The following APBA2 variants were observed in gnomAD, a reference collection of about 807,000 sequenced individuals.
The protein encoded by APBA2 is amyloid beta precursor protein binding family A member 2.
Under a neutral mutation model 75.0 loss-of-function variants are expected in APBA2, and 30 were observed. The observed-to-expected ratio is 0.40, with a 90% CI of 0.30 to 0.54. APBA2 has a LOEUF of 0.54. APBA2 is among the 20% of genes least tolerant of loss of function. The probability of loss-of-function intolerance (pLI) is 0.49; values close to 1 mark genes in which losing one functional copy is unlikely to be tolerated. For synonymous variants in APBA2, 444 were observed against 409.6 expected (o/e 1.08, Z -1.01); for missense variants, 801 against 1,016.1 (o/e 0.79, Z 2.88).
intron 1 of APBA2, among the ~76,000 whole-genome samples, chr15:28,913,750 A>T (rs1263766145): frequency 3.3e-5 from 5 of 152,172 alleles, no homozygotes; most frequent in Non-Finnish European, 7.4e-5. Flanking sequence ...TATTTAAATT[A>T]AAAAAAATTC....
At chr15:28,997,734 G>T (rs1411810498) in intron 3 of APBA2, among the ~76,000 whole-genome samples, 1 of 152,140 alleles carries the variant, frequency 6.6e-6, no homozygotes, top group Non-Finnish European at 1.5e-5. Flanking sequence ...TGCCTGTAAG[G>T]TATAAGGTAT....
At chr15:28,964,870 T>C (rs980547076) in intron 2 of APBA2, among the ~76,000 whole-genome samples, 3 of 152,176 alleles carry the variant, frequency 2.0e-5, no homozygotes, top group Non-Finnish European at 4.4e-5. Flanking sequence ...TACAAGTCCT[T>C]TGTTAGGTAC....
intron 13 of APBA2, 31 bp downstream of exon 13, chr15:29,108,420 C>A: frequency 6.2e-7 from 1 of 1,613,774 alleles, no homozygotes; most frequent in Non-Finnish European, 8.5e-7. Context: ...TGGGCCACCA[C>A]CACCACTGCA....
At chr15:29,075,298 T>C (rs193001004) in intron 5 of APBA2, among the ~76,000 whole-genome samples, 2 of 152,274 alleles carry the variant, frequency 1.3e-5, no homozygotes, top group Admixed American at 6.5e-5. Flanking sequence ...CTACTTAATT[T>C]TATAAAAAGC....
chr15:29,008,602 A>G (rs944038155), intron 3 of APBA2, among the ~76,000 whole-genome samples: 5 of 152,148 alleles, frequency 3.3e-5, no homozygotes, highest in African/African-American at 1.2e-4. Context: ...CTAGCTACTC[A>G]GGAGGCTGAA....
chr15:29,004,176 G>C (rs2152805492), intron 3 of APBA2, among the ~76,000 whole-genome samples: 1 of 152,288 alleles, frequency 6.6e-6, no homozygotes, highest in East Asian at 1.9e-4. Flanking sequence ...GATATGTCTA[G>C]GATCCCTTCT....
chr15:29,103,267 G>A (rs1185242216), intron 10 of APBA2, among the ~76,000 whole-genome samples: 1 of 152,226 alleles, frequency 6.6e-6, no homozygotes, highest in East Asian at 1.9e-4. Flanking sequence ...GCCGTATTGG[G>A]TAGATGAGGC....
chr15:29,005,261 C>T (rs2039053656), intron 3 of APBA2, among the ~76,000 whole-genome samples: 1 of 151,208 alleles, frequency 6.6e-6, no homozygotes, highest in Admixed American at 6.6e-5. Context: ...AATAATGTGC[C>T]TTTTTTTTTG....
At chr15:28,890,057 G>C (rs1182497882) in intron 1 of APBA2, among the ~76,000 whole-genome samples, 1 of 147,738 alleles carries the variant, frequency 6.8e-6, no homozygotes, top group Non-Finnish European at 1.5e-5. Context: ...CACGGGAGCA[G>C]TAGTCTCCTT....
intron 3 of APBA2, among the ~76,000 whole-genome samples, chr15:29,043,355 C>T (rs2041146815): frequency 1.3e-5 from 2 of 152,322 alleles, no homozygotes; most frequent in African/African-American, 4.8e-5. Flanking sequence ...ACATTAACCC[C>T]AAGCCTCTTC....
intron 13 of APBA2, among the ~76,000 whole-genome samples, chr15:29,109,353 A>G (rs1262230337): frequency 2.0e-5 from 3 of 152,162 alleles, no homozygotes; most frequent in Admixed American, 2.0e-4. Flanking sequence ...TGTCAGAGCA[A>G]ATTTGCTGCT....
At chr15:28,892,064 T>C (rs1415714028) in intron 1 of APBA2, among the ~76,000 whole-genome samples, 2 of 143,478 alleles carry the variant, frequency 1.4e-5, no homozygotes, top group Non-Finnish European at 3.0e-5. Context: ...GGGTACTGTG[T>C]TATATATAAT....
intron 6 of APBA2, among the ~76,000 whole-genome samples, chr15:29,081,725 G>T (rs1467561252): frequency 6.6e-6 from 1 of 152,232 alleles, no homozygotes; most frequent in Admixed American, 6.5e-5. Context: ...AACAGCAATA[G>T]GTCCACCTGA....
chr15:28,906,194 T>A (rs1334131931), intron 1 of APBA2, among the ~76,000 whole-genome samples: 3 of 152,176 alleles, frequency 2.0e-5, no homozygotes, highest in East Asian at 3.8e-4. Context: ...TATTCTTTTT[T>A]AAAAAAAATT....
intron 14 of APBA2, among the ~76,000 whole-genome samples, chr15:29,114,694 ATGAG>A (rs919262791): frequency 2.7e-5 from 4 of 147,022 alleles, no homozygotes; most frequent in African/African-American, 1.0e-4. Context: ...GGTGTGGGAA[ATGAG>A]TGTGTGCGTG....
At chr15:29,030,729 ATGTGTGTG>A (rs60048817) in intron 3 of APBA2, among the ~76,000 whole-genome samples, 7 of 113,244 alleles carry the variant, frequency 6.2e-5, no homozygotes, top group East Asian at 5.8e-4. Context: ...CCATGTGAGT[ATGTGTGTG>A]TGTGTGTGTG....
At chr15:29,092,972 C>G (rs2043650903) in intron 6 of APBA2, 103 bp from the exon 7 acceptor site, 2 of 1,491,736 alleles carry the variant, frequency 1.3e-6, no homozygotes, top group Non-Finnish European at 1.9e-6. Context: ...TAGTTTGCCC[C>G]GCATCCTGGC....
intron 6 of APBA2, among the ~76,000 whole-genome samples, chr15:29,089,191 G>A (rs1418721355): frequency 2.6e-5 from 4 of 152,172 alleles, no homozygotes; most frequent in African/African-American, 4.8e-5. Context: ...TCTTAACACC[G>A]GTCTTTATAC....
Position 29,053,977 on chromosome 15 carries a change from C to T in APBA2, c.93C>T (p.Ser31=), listed in dbSNP as rs557200678. The T allele has an allele frequency of 8.7e-6, 14 of 1,614,034 alleles. No individual in the cohort carries two copies. The highest frequency in any genetic ancestry group is 4.5e-5 in the East Asian group (2 of 44,842). ...TCCCTCACAGCCAGGAGCCCGAGAGCGAGGACATGGAGCTGCCCTTGGAGG... is the reference window on the plus strand; with the variant it reads ...TCCCTCACAGCCAGGAGCCCGAGAGTGAGGACATGGAGCTGCCCTTGGAGG... The part of the protein sequence containing the change: ...GPVPHSQEPE[S]EDMELPLEGY... Residue 31 remains serine (S), a synonymous_variant, in exon 4 of 15, where the codon AGC becomes AGT. Transcript: ENST00000683413.
Sources: allele counts gnomAD v4.1 joint callset (sites outside exome capture counted in the v4.1 genomes callset), GRCh38; gene constraint gnomAD v4.1.1; transcripts MANE v1.5; gene names NCBI Gene and HGNC (gene_info 2026-07-23, HGNC 2026-07-21).